The following KCTD16 variants were observed in gnomAD, a reference collection of about 807,000 sequenced individuals.
KCTD16 encodes the protein BTB/POZ domain-containing protein KCTD16.
In KCTD16, 13 loss-of-function variants were observed where a neutral mutation model predicts 33.2. That is an observed-to-expected ratio of 0.39 (90% CI 0.25 to 0.62). The LOEUF (loss-of-function observed/expected upper bound fraction) is 0.62. Ranked by LOEUF, KCTD16 falls within the 20% of genes least tolerant of loss-of-function variation. KCTD16 has a pLI of 0.50. For synonymous variants in KCTD16, 197 were observed against 195.3 expected, an observed-to-expected ratio of 1.01 and a Z score of -0.07; for missense variants, 441 against 525.1, an observed-to-expected ratio of 0.84 and a Z score of 1.57.
chr5:144,222,032 TTTTC>T (rs1265946061), intron 3 of KCTD16, among the ~76,000 whole-genome samples: 3 of 152,266 alleles, frequency 2.0e-5, no homozygotes, highest in African/African-American at 7.2e-5. Flanking sequence ...GATGAGCTTT[TTTTC>T]ATATGTTTGT....
chr5:144,215,351 A>G (rs1401433255), intron 3 of KCTD16, among the ~76,000 whole-genome samples: 1 of 152,234 alleles, frequency 6.6e-6, no homozygotes, highest in African/African-American at 2.4e-5. Flanking sequence ...CCCCAATAGA[A>G]AAAGAGCTCT....
At chr5:144,433,942 A>G (rs1263633404) in intron 3 of KCTD16, among the ~76,000 whole-genome samples, 1 of 152,206 alleles carries the variant, frequency 6.6e-6, no homozygotes, top group Non-Finnish European at 1.5e-5. Flanking sequence ...TTATATTATC[A>G]GCCACTGATT....
At chr5:144,260,350 A>G (rs921306213) in intron 3 of KCTD16, among the ~76,000 whole-genome samples, 3 of 152,302 alleles carry the variant, frequency 2.0e-5, no homozygotes, top group Middle Eastern at 3.4e-3. Context: ...GAGCAGCTAG[A>G]AGGGGCCCAG....
intron 3 of KCTD16, among the ~76,000 whole-genome samples, chr5:144,412,501 G>T (rs924724898): frequency 1.3e-5 from 2 of 152,174 alleles, no homozygotes; most frequent in Non-Finnish European, 2.9e-5. Context: ...GTAGATTGGT[G>T]CTTATCAGAG....
chr5:144,393,606 T>A (rs1394877489), intron 3 of KCTD16, among the ~76,000 whole-genome samples: 1 of 152,108 alleles, frequency 6.6e-6, no homozygotes, highest in African/African-American at 2.4e-5. Flanking sequence ...TATACATATA[T>A]GTACTTAAGA....
intron 3 of KCTD16, among the ~76,000 whole-genome samples, chr5:144,413,890 A>G (rs1413133184): frequency 6.6e-6 from 1 of 152,150 alleles, no homozygotes; most frequent in African/African-American, 2.4e-5. Flanking sequence ...TCTGGTTTGA[A>G]GTCTGTCACT....
rs1561558145 is a variant in KCTD16 at position 144,299,057 on chromosome 5, TATATATATATATA to T, written c.832+91512_832+91524del. On this transcript the variant is annotated intron_variant, in intron 3 of 3. Coordinates refer to ENST00000512467, the MANE Select transcript of KCTD16 (RefSeq NM_020768.4). Reference sequence around the variant, plus strand: ...TAAAACAGATCACTATATATATATATATATATATATATATATTTTTGTATATATATATCACTAT... The same window carrying T: ...TAAAACAGATCACTATATATATATATTATTTTTGTATATATATATCACTAT... 8.3e-4 allele frequency among the ~76,000 whole-genome samples: 76 copies of T among 92,000 alleles called. 9 individuals carry two copies. The highest frequency in any genetic ancestry group is 3.2e-3 in the African/African-American group (76 of 23,992). 60.4% of individuals were successfully genotyped at this position (92,000 alleles called of 152,430 possible).
chr5:144,481,562 G>A lies in KCTD16; in HGVS notation c.*7448G>A, dbSNP rs1045310559. 1.3e-5 allele frequency: 2 copies of A among 151,798 alleles called. No homozygotes were observed. Among genetic ancestry groups the A allele is most frequent in the Non-Finnish European group, 2.9e-5 (2 of 67,898 alleles). 9.4% of individuals were successfully genotyped at this position (151,798 alleles called of 1,614,324 possible). A position where few individuals can be genotyped will look rare whatever the true frequency, so the allele number is the denominator to read the frequency against. The stretch of plus-strand genomic sequence containing the variant: ...AATGATTTGACATTTTTCTTTTAAT[G>A]TATCATACCAATATCCCAGGGATGG... On this transcript the variant is annotated 3_prime_UTR_variant, in exon 4 of 4. Coordinates refer to ENST00000512467, the MANE Select transcript of KCTD16 (RefSeq NM_020768.4).
chr5:144,189,137 T>C (rs1217239304), intron 2 of KCTD16, among the ~76,000 whole-genome samples: 1 of 152,242 alleles, frequency 6.6e-6, no homozygotes, highest in Non-Finnish European at 1.5e-5. Context: ...TCTGAAAGTA[T>C]TTAACGCACA....
At chr5:144,315,914 G>A (rs1197180023) in intron 3 of KCTD16, among the ~76,000 whole-genome samples, 1 of 151,350 alleles carries the variant, frequency 6.6e-6, no homozygotes, top group African/African-American at 2.4e-5. Context: ...AACCATTGAT[G>A]TAACACCAAG....
At position 144,479,253 on chromosome 5, in the gene KCTD16, A is replaced by AATTTGACTC. The variant is rs1473214387; in HGVS notation, c.*5140_*5141insTTTGACTCA. ...TCAAATCCTGCGCCATTGAACTGCT[A>AATTTGACTC]AATTTGTCCAATTTGACTCAATCAG... On this transcript the variant is annotated 3_prime_UTR_variant, in exon 4 of 4. Coordinates refer to ENST00000512467, the MANE Select transcript of KCTD16 (RefSeq NM_020768.4). 2.0e-5 allele frequency: 3 copies of AATTTGACTC among 151,810 alleles called. No homozygotes were observed. The highest frequency in any genetic ancestry group is 7.3e-5 in the African/African-American group (3 of 41,378). The allele number at this position is 151,810 out of a possible 1,614,324, so 9.4% of individuals were successfully genotyped here.
At chr5:144,286,200 C>T (rs1250556231) in intron 3 of KCTD16, among the ~76,000 whole-genome samples, 1 of 152,064 alleles carries the variant, frequency 6.6e-6, no homozygotes. Context: ...ATCTCATAGA[C>T]ATTACAAGTG....
intron 3 of KCTD16, among the ~76,000 whole-genome samples, chr5:144,254,000 T>C (rs1363921713): frequency 6.6e-6 from 1 of 152,188 alleles, no homozygotes; most frequent in Non-Finnish European, 1.5e-5. Context: ...GCATGGGACT[T>C]GGGAAAGAAG....
At chr5:144,323,042 T>C (rs1401535489) in intron 3 of KCTD16, among the ~76,000 whole-genome samples, 1 of 152,152 alleles carries the variant, frequency 6.6e-6, no homozygotes, top group Non-Finnish European at 1.5e-5. Context: ...CAGTATTATT[T>C]TGAAGTCTTT....
chr5:144,319,050 A>G lies in KCTD16; in HGVS notation c.832+111504A>G, dbSNP rs936603357. Among the ~76,000 whole-genome samples, 22 of 152,232 alleles carry G rather than the reference A, an allele frequency of 1.4e-4. 1 individual carries two copies. Among genetic ancestry groups the G allele is most frequent in the Admixed American group, 1.3e-3 (20 of 15,290 alleles). ...TTCAAATAACTAATGCATGAGAAGTACTATGATATAGTATAGTTCCTGATA... is the reference window on the plus strand; with the variant it reads ...TTCAAATAACTAATGCATGAGAAGTGCTATGATATAGTATAGTTCCTGATA... On this transcript the variant is annotated intron_variant, in intron 3 of 3. Coordinates refer to ENST00000512467, the MANE Select transcript of KCTD16 (RefSeq NM_020768.4).
In KCTD16 at chr5:144,462,086, G is replaced by A. The variant is rs544828401; in HGVS notation, c.833-11574G>A. ...GATTCCGTTGTCATGGCCTACCCTG[G>A]CATTTTTTAATTTTACCTTTTTTTC... On this transcript the variant is annotated intron_variant, in intron 3 of 3. Coordinates refer to ENST00000512467, the MANE Select transcript of KCTD16 (RefSeq NM_020768.4). Among the ~76,000 whole-genome samples, 37 of 152,070 alleles carry A rather than the reference G, an allele frequency of 2.4e-4. 1 individual carries two copies. The highest frequency in any genetic ancestry group is 8.4e-4 in the African/African-American group (35 of 41,490).
At chr5:144,217,755 C>T (rs892234573) in intron 3 of KCTD16, among the ~76,000 whole-genome samples, 12 of 151,738 alleles carry the variant, frequency 7.9e-5, no homozygotes, top group African/African-American at 2.9e-4. Context: ...CACAATCTGC[C>T]AGGGAAGTGA....
chr5:144,228,593 A>T (rs1754003350), intron 3 of KCTD16, among the ~76,000 whole-genome samples: 1 of 152,226 alleles, frequency 6.6e-6, no homozygotes, highest in Admixed American at 6.5e-5. Context: ...ACAGAAAGTG[A>T]GAGAAAAAGA....
At chr5:144,265,853 C>T (rs923775744) in intron 3 of KCTD16, among the ~76,000 whole-genome samples, 21 of 152,020 alleles carry the variant, frequency 1.4e-4, no homozygotes, top group Non-Finnish European at 1.5e-5. Context: ...ACGTAATGTG[C>T]CAAGTTCGTA....
Sources: gnomAD v4.1 joint callset for allele counts (sites outside exome capture counted in the v4.1 genomes callset) on GRCh38, gnomAD v4.1.1 for gene constraint, MANE v1.5 for transcripts, NCBI Gene and HGNC (gene_info 2026-07-23, HGNC 2026-07-21) for gene names.